SLC30A8: variants seen among roughly 807,000 people sequenced by gnomAD.
SLC30A8 encodes the protein solute carrier family 30 member 8, also known as proton-coupled zinc antiporter SLC30A8.
A neutral mutation model predicts 36.9 loss-of-function variants in SLC30A8; 27 were observed. The observed-to-expected ratio is 0.73, with a 90% CI of 0.54 to 1.01. The LOEUF is 1.01. SLC30A8 is among the 50% of genes least tolerant of loss of function. The probability of loss-of-function intolerance (pLI) is 0.00; values close to 1 mark genes in which losing one functional copy is unlikely to be tolerated. For synonymous variants in SLC30A8, 164 were observed against 172.4 expected, an observed-to-expected ratio of 0.95 and a Z score of 0.38; for missense variants, 439 against 452.0, an observed-to-expected ratio of 0.97 and a Z score of 0.26.
intron 2 of SLC30A8, among the ~76,000 whole-genome samples, chr8:117,054,623 C>G (rs1817812230): frequency 8.5e-6 from 1 of 117,808 alleles, no homozygotes; most frequent in Admixed American, 1.1e-4. Flanking sequence ...CACCCCCCAC[C>G]CACCTCCCTT....
intron 1 of SLC30A8, among the ~76,000 whole-genome samples, chr8:116,972,212 A>G (rs1247268725): frequency 2.6e-5 from 4 of 152,234 alleles, no homozygotes; most frequent in Admixed American, 6.5e-5. Flanking sequence ...ATCATGCAAC[A>G]TTCTTCATGC....
intron 1 of SLC30A8, among the ~76,000 whole-genome samples, chr8:116,967,148 A>G (rs368154722): frequency 6.6e-6 from 1 of 152,214 alleles, no homozygotes; most frequent in African/African-American, 2.4e-5. Flanking sequence ...CCCAGGGTAG[A>G]GGAATGGACT....
At chr8:117,088,011 A>T (rs1355914467) in intron 2 of SLC30A8, among the ~76,000 whole-genome samples, 1 of 151,930 alleles carries the variant, frequency 6.6e-6, no homozygotes, top group Non-Finnish European at 1.5e-5. Flanking sequence ...GTGGGAAAGA[A>T]AGGGAGGAAA....
In SLC30A8 at chr8:117,176,024, CAT is replaced by C. The variant is rs1823663742; in HGVS notation, c.*3345_*3346del. ...CTGTCCAGTGCAATGAAGGCAAAGT[CAT>C]AGGTCTCCCAAGTCTTACCCCATTC... On this transcript the variant is annotated 3_prime_UTR_variant, in exon 8 of 8. Transcript: ENST00000456015. The C allele has an allele frequency of 6.6e-6, 1 of 152,084 alleles. No individual in the cohort carries two copies. 9.4% of individuals were successfully genotyped at this position (152,084 alleles called of 1,614,324 possible). A position where few individuals can be genotyped will look rare whatever the true frequency, so the allele number is the denominator to read the frequency against.
chr8:117,097,559 ATT>A (rs1212186551), intron 2 of SLC30A8, among the ~76,000 whole-genome samples: 4 of 109,670 alleles, frequency 3.6e-5, no homozygotes, highest in Admixed American at 1.3e-4. Flanking sequence ...AATAATATAT[ATT>A]ATATATAATA....
At chr8:117,011,118 C>A (rs953396659) in intron 1 of SLC30A8, among the ~76,000 whole-genome samples, 1 of 152,020 alleles carries the variant, frequency 6.6e-6, no homozygotes, top group Non-Finnish European at 1.5e-5. Flanking sequence ...CCCGAGAGAA[C>A]GAGGGTAACT....
intron 2 of SLC30A8, among the ~76,000 whole-genome samples, chr8:117,077,089 A>T (rs536442161): frequency 6.6e-6 from 1 of 152,136 alleles, no homozygotes; most frequent in Non-Finnish European, 1.5e-5. Flanking sequence ...CTCTTGATAG[A>T]CCACCTGTTT....
chr8:117,004,932 C>T (rs2130692916), intron 1 of SLC30A8, among the ~76,000 whole-genome samples: 1 of 152,064 alleles, frequency 6.6e-6, no homozygotes, highest in Non-Finnish European at 1.5e-5. Flanking sequence ...CCAGGAGCCT[C>T]TCTCAATTCT....
intron 1 of SLC30A8, among the ~76,000 whole-genome samples, chr8:117,037,667 G>C (rs1409430518): frequency 2.0e-5 from 3 of 152,116 alleles, no homozygotes; most frequent in African/African-American, 7.2e-5. Context: ...AGGAATAGGG[G>C]TTAAAAAGAA....
At chr8:117,161,384 C>A (rs959808012) in intron 4 of SLC30A8, among the ~76,000 whole-genome samples, 2 of 135,830 alleles carry the variant, frequency 1.5e-5, no homozygotes, top group African/African-American at 6.7e-5. Context: ...TTTAAGCCAG[C>A]TTGGTGCCTG....
rs1243562018 is a variant in SLC30A8 at position 117,175,103 on chromosome 8, TC to T, written c.*2423del. On this transcript the variant is annotated 3_prime_UTR_variant, in exon 8 of 8. Transcript: ENST00000456015. ...TCTCCAGCTATCAAAACATTAATGA[TC>T]TTTTATGTCTTTTTTTTGTTATTGT... is the stretch of plus-strand genomic sequence containing the variant. 1 of 152,084 alleles carries T rather than the reference TC, an allele frequency of 6.6e-6. No homozygotes were observed. The highest frequency in any genetic ancestry group is 2.4e-5 in the African/African-American group (1 of 41,436). The allele number at this position is 152,084 out of a possible 1,614,324, so 9.4% of individuals were successfully genotyped here. A position where few individuals can be genotyped will look rare whatever the true frequency, so the allele number is the denominator to read the frequency against.
At chr8:117,171,378 G>A (rs1248280655) in intron 7 of SLC30A8, among the ~76,000 whole-genome samples, 1 of 152,096 alleles carries the variant, frequency 6.6e-6, no homozygotes, top group African/African-American at 2.4e-5. Flanking sequence ...GGGGCTGACT[G>A]CAGAGGGCTG....
At chr8:117,048,593 C>T (rs1817619716) in intron 2 of SLC30A8, among the ~76,000 whole-genome samples, 1 of 152,120 alleles carries the variant, frequency 6.6e-6, no homozygotes, top group African/African-American at 2.4e-5. Flanking sequence ...TTTTCAATGT[C>T]CATAAAACAG....
At chr8:117,106,344 T>C (rs1477646452) in intron 2 of SLC30A8, among the ~76,000 whole-genome samples, 1 of 152,230 alleles carries the variant, frequency 6.6e-6, no homozygotes, top group Non-Finnish European at 1.5e-5. Flanking sequence ...ATTTCCCTTA[T>C]GCAATTGTGG....
upstream of SLC30A8, among the ~76,000 whole-genome samples, chr8:117,134,412 C>T (rs1821267315): frequency 6.6e-6 from 1 of 151,970 alleles, no homozygotes; most frequent in Non-Finnish European, 1.5e-5. Context: ...TGCCATAAGG[C>T]TATAGTTCTT....
chr8:117,167,395 G>A (rs56774996), intron 6 of SLC30A8, among the ~76,000 whole-genome samples: 2,801 of 151,808 alleles, frequency 0.018, 72 homozygotes, highest in African/African-American at 0.06. Context: ...TTATAATTCC[G>A]TCTTTGACTT....
chr8:117,139,919 T>A (rs1821572799), intron 1 of SLC30A8, among the ~76,000 whole-genome samples: 1 of 150,558 alleles, frequency 6.6e-6, no homozygotes, highest in Non-Finnish European at 1.5e-5. Flanking sequence ...TTTGAATATT[T>A]CAAAACAGCT....
intron 1 of SLC30A8, among the ~76,000 whole-genome samples, chr8:117,021,813 T>TA (rs1816703826): frequency 6.6e-6 from 1 of 152,082 alleles, no homozygotes; most frequent in Non-Finnish European, 1.5e-5. Context: ...ACACACAAGT[T>TA]AATCAACAGA....
intron 1 of SLC30A8, among the ~76,000 whole-genome samples, chr8:117,021,498 T>G (rs1475981582): frequency 6.6e-6 from 1 of 152,196 alleles, no homozygotes; most frequent in Non-Finnish European, 1.5e-5. Context: ...AAAGAATACC[T>G]AAATATGTAG....
Sources: gnomAD v4.1 joint callset for allele counts (sites outside exome capture counted in the v4.1 genomes callset) on GRCh38, gnomAD v4.1.1 for gene constraint, MANE v1.5 for transcripts, NCBI Gene and HGNC (gene_info 2026-07-23, HGNC 2026-07-21) for gene names.